ALCAM: variants seen among roughly 807,000 people sequenced by gnomAD.
ALCAM encodes the protein CD166 antigen.
In ALCAM, 30 loss-of-function variants were observed where a neutral mutation model predicts 70.9. The ratio of observed to expected loss-of-function variants is 0.42; its 90% CI spans 0.32 to 0.57. ALCAM has a LOEUF of 0.57. ALCAM is among the 20% of genes least tolerant of loss of function. ALCAM has a pLI of 0.11. For missense variants in ALCAM, 591 were observed against 695.1 expected (o/e 0.85, Z 1.68); for synonymous variants, 249 against 242.5 (o/e 1.03, Z -0.25).
At chr3:105,527,522 G>C (rs1939735299) in intron 3 of ALCAM, among the ~76,000 whole-genome samples, 1 of 151,956 alleles carries the variant, frequency 6.6e-6, no homozygotes, top group Non-Finnish European at 1.5e-5. Flanking sequence ...AGGAAGGTAA[G>C]GAGCTATTTC....
At chr3:105,371,295 TCTG>T (rs1935224664) in intron 1 of ALCAM, among the ~76,000 whole-genome samples, 1 of 152,188 alleles carries the variant, frequency 6.6e-6, no homozygotes, top group Non-Finnish European at 1.5e-5. Flanking sequence ...AAATTATTTT[TCTG>T]CTCTTTTTTA....
intron 3 of ALCAM, among the ~76,000 whole-genome samples, chr3:105,531,000 A>G (rs1323727208): frequency 6.6e-6 from 1 of 152,090 alleles, no homozygotes; most frequent in Non-Finnish European, 1.5e-5. Context: ...GTGGTAAACA[A>G]TAAGACTATA....
At chr3:105,422,531 A>T (rs1162653723) in intron 1 of ALCAM, among the ~76,000 whole-genome samples, 3 of 151,312 alleles carry the variant, frequency 2.0e-5, no homozygotes, top group Non-Finnish European at 4.4e-5. Context: ...AAAAAAGTGT[A>T]CTCTTCCAGA....
intron 1 of ALCAM, among the ~76,000 whole-genome samples, chr3:105,423,031 A>C (rs1282460520): frequency 6.6e-6 from 1 of 151,528 alleles, no homozygotes; most frequent in South Asian, 2.1e-4. Context: ...CATTGTTAGC[A>C]GTGAAAGAAA....
intron 1 of ALCAM, among the ~76,000 whole-genome samples, chr3:105,416,117 T>A (rs1356399031): frequency 6.6e-6 from 1 of 152,044 alleles, no homozygotes; most frequent in Non-Finnish European, 1.5e-5. Context: ...GCTGCATCTG[T>A]CATTCTCAAC....
intron 1 of ALCAM, among the ~76,000 whole-genome samples, chr3:105,471,194 G>A (rs529867494): frequency 4.2e-4 from 63 of 151,496 alleles, no homozygotes; most frequent in Middle Eastern, 3.4e-3. Flanking sequence ...GGAACAGATC[G>A]AAGTTGAAAG....
intron 1 of ALCAM, among the ~76,000 whole-genome samples, chr3:105,514,425 A>C (rs764328524): frequency 6.6e-6 from 1 of 151,968 alleles, no homozygotes; most frequent in Admixed American, 6.6e-5. Flanking sequence ...AGATCATTTC[A>C]TGCTTGTAGA....
intron 10 of ALCAM, 51 bp from the exon 11 acceptor site, chr3:105,547,339 G>A (rs777058745): frequency 7.6e-6 from 12 of 1,574,942 alleles, no homozygotes; most frequent in Non-Finnish European, 9.5e-6. Context: ...TTTTTACCTG[G>A]TTTCTTTTAT....
At chr3:105,527,805 T>C (rs1337983520) in intron 3 of ALCAM, among the ~76,000 whole-genome samples, 1 of 152,022 alleles carries the variant, frequency 6.6e-6, no homozygotes, top group Non-Finnish European at 1.5e-5. Flanking sequence ...GAGCTTTTAT[T>C]TGGATTCCTC....
chr3:105,380,976 G>T (rs1032885510), intron 1 of ALCAM, among the ~76,000 whole-genome samples: 1 of 151,908 alleles, frequency 6.6e-6, no homozygotes, highest in African/African-American at 2.4e-5. Flanking sequence ...TGAGAATATG[G>T]TGTCTGTAGC....
intron 7 of ALCAM, among the ~76,000 whole-genome samples, chr3:105,540,454 C>T (rs1420720985): frequency 6.6e-6 from 1 of 151,946 alleles, no homozygotes; most frequent in African/African-American, 2.4e-5. Context: ...TAAATCTGCC[C>T]ACAACATTGC....
chr3:105,525,231 A>C (rs1016442304), intron 3 of ALCAM: 3 of 985,274 alleles, frequency 3.0e-6, no homozygotes, highest in Non-Finnish European at 3.6e-6. Context: ...TGATGGAAGA[A>C]GAGAAAATTG....
chr3:105,371,342 G>T (rs998923649), intron 1 of ALCAM, among the ~76,000 whole-genome samples: 2 of 152,026 alleles, frequency 1.3e-5, no homozygotes, highest in African/African-American at 2.4e-5. Flanking sequence ...TGTGCAATGT[G>T]TGGTTCTGAT....
intron 1 of ALCAM, among the ~76,000 whole-genome samples, chr3:105,464,553 G>A (rs1282636305): frequency 6.6e-6 from 1 of 150,960 alleles, no homozygotes; most frequent in Admixed American, 6.6e-5. Context: ...TTGCATTGGG[G>A]GCTCTTGAAA....
At chr3:105,470,102 T>C (rs982826613) in intron 1 of ALCAM, among the ~76,000 whole-genome samples, 1 of 95,288 alleles carries the variant, frequency 1.0e-5, no homozygotes, top group Non-Finnish European at 2.4e-5. Flanking sequence ...CACATATACA[T>C]ATATGTGTGT....
intron 1 of ALCAM, among the ~76,000 whole-genome samples, chr3:105,433,479 A>G (rs1052638503): frequency 1.3e-5 from 2 of 152,190 alleles, no homozygotes; most frequent in South Asian, 4.1e-4. Context: ...ACCTTAAGAA[A>G]TATATGCACA....
intron 1 of ALCAM, among the ~76,000 whole-genome samples, chr3:105,376,283 G>T (rs963160235): frequency 6.6e-6 from 1 of 152,118 alleles, no homozygotes; most frequent in Non-Finnish European, 1.5e-5. Context: ...GAAACCACAG[G>T]TTTAAGAGAT....
At chr3:105,527,246 G>A (rs750320813) in intron 3 of ALCAM, among the ~76,000 whole-genome samples, 4 of 152,068 alleles carry the variant, frequency 2.6e-5, no homozygotes, top group Non-Finnish European at 5.9e-5. Context: ...CCAAAGATTC[G>A]TTCTAGTGAT....
intron 1 of ALCAM, among the ~76,000 whole-genome samples, chr3:105,455,770 G>A (rs946611565): frequency 6.6e-6 from 1 of 152,178 alleles, no homozygotes; most frequent in African/African-American, 2.4e-5. Flanking sequence ...CCTTTTCCGG[G>A]AAATTTCTAC....
Sources: allele counts gnomAD v4.1 joint callset (sites outside exome capture counted in the v4.1 genomes callset), GRCh38; gene constraint gnomAD v4.1.1; transcripts MANE v1.5; gene names NCBI Gene and HGNC (gene_info 2026-07-23, HGNC 2026-07-21).